MYBPC3: variants seen among roughly 807,000 people sequenced by gnomAD.
The protein encoded by MYBPC3 is myosin binding protein C3.
In MYBPC3, 108 loss-of-function variants were observed where a neutral mutation model predicts 159.3. The observed-to-expected ratio is 0.68, with a 90% confidence interval of 0.58 to 0.80. The LOEUF (loss-of-function observed/expected upper bound fraction) is 0.80, where lower values mean the gene tolerates loss of function less well. Ranked by LOEUF, MYBPC3 falls within the 30% of genes least tolerant of loss-of-function variation. MYBPC3 has a pLI of 0.00. For synonymous variants in MYBPC3, 730 were observed against 702.0 expected (o/e 1.04, Z -0.63); for missense variants, 1,631 against 1,762.1 (o/e 0.93, Z 1.33).
chr11:47,332,679 A>T lies in MYBPC3; in HGVS notation c.3514T>A (p.Tyr1172Asn). The T allele has an allele frequency of 6.2e-7, 1 of 1,612,262 alleles. No homozygotes were observed. The highest frequency in any genetic ancestry group is 1.7e-5 in the Admixed American group (1 of 59,720). The part of the protein sequence containing the change: ...RPGITYEPPN[Y>N]KALDFSEAPS... ...GCCTCGGAGAAGTCCAGGGCCTTAT[A>T]GTTGGGTGGCTCATAGGTGATGCCT... The change falls in exon 32 of 35, where the codon TAT (tyrosine) becomes AAT (asparagine). Residue 1172 changes from tyrosine (Y) to asparagine (N), a missense_variant. Tyr to Asn is a moderately radical substitution (Grantham distance 143). Coordinates refer to ENST00000545968, the MANE Select transcript of MYBPC3 (RefSeq NM_000256.3). This position sits in a 1 kb window ranked among gnomAD's most constrained non-coding sequence, Gnocchi z 4.2.
intron 26 of MYBPC3, 50 bp downstream of exon 26, chr11:47,335,827 G>A: frequency 7.4e-7 from 1 of 1,350,200 alleles, no homozygotes; most frequent in Non-Finnish European, 9.7e-7. Flanking sequence ...CAATGGCAAG[G>A]TGAGCATGTT....
chr11:47,348,908 T>TTATATATATATATATATATGTATA (rs58411933), intron 5 of MYBPC3, among the ~76,000 whole-genome samples: 1 of 39,884 alleles, frequency 2.5e-5, no homozygotes. Flanking sequence ...CTGTCTCAAA[T>TTATATATATATATATATATGTATA]TATATATATA....
At chr11:47,342,557 T>A (rs773894147) in intron 17 of MYBPC3, 21 bp downstream of exon 17, 2 of 1,552,184 alleles carry the variant, frequency 1.3e-6, no homozygotes, top group Non-Finnish European at 1.7e-6. Context: ...AAGCCTCATG[T>A]GCCCCCCCAG....
intron 6 of MYBPC3, 104 bp from the exon 7 acceptor site, chr11:47,348,009 CA>C (rs1315731098): frequency 9.0e-7 from 1 of 1,112,174 alleles, no homozygotes; most frequent in Non-Finnish European, 1.3e-6. Context: ...CTTGCCCATT[CA>C]TGACCCCATG....
chr11:47,351,637 G>T lies in MYBPC3; in HGVS notation c.26-132C>A. On this transcript the variant is annotated intron_variant, in intron 1 of 34. Coordinates refer to ENST00000545968, the MANE Select transcript of MYBPC3 (RefSeq NM_000256.3). The surrounding 1 kb of genome is among the most constrained non-coding windows in gnomAD (Gnocchi z 4.2). ...ACGTAATACTCTACCAGTTCTCTGA[G>T]GTAGTTGCAGTTATTCTGTTCATTT... is the stretch of plus-strand genomic sequence containing the variant. 1 of 1,092,122 alleles carries T rather than the reference G, an allele frequency of 9.2e-7. No individual in the cohort carries two copies. Among genetic ancestry groups the T allele is most frequent in the Middle Eastern group, 3.2e-4 (1 of 3,160 alleles). The allele number at this position is 1,092,122 out of a possible 1,614,324, so 67.7% of individuals were successfully genotyped here.
In MYBPC3 at chr11:47,333,762, G is replaced by C; in HGVS notation, c.2995-10C>G. On this transcript the variant is annotated splice_polypyrimidine_tract_variant and intron_variant, in intron 28 of 34. Transcript: ENST00000545968. Reference sequence around the variant, plus strand: ...GAGGCCGGGGCTTGCCCTGAGGGGAGGAAAAGCTTAACCCTGAACCTGGAT... The same window carrying C: ...GAGGCCGGGGCTTGCCCTGAGGGGACGAAAAGCTTAACCCTGAACCTGGAT... 6.3e-7 allele frequency: 1 copy of C among 1,585,312 alleles called. No individual in the cohort carries two copies. The highest frequency in any genetic ancestry group is 8.6e-7 in the Non-Finnish European group (1 of 1,166,590).
chr11:47,351,510 A>G lies in MYBPC3; in HGVS notation c.26-5T>C. The stretch of plus-strand genomic sequence containing the variant: ...GCTTCTTGCTAAAAGCTGAGACTGA[A>G]GGGCCAGGTGGAGGCTACAGCGGCC... On this transcript the variant is annotated splice_region_variant and splice_polypyrimidine_tract_variant and intron_variant, in intron 1 of 34. Transcript: ENST00000545968. This position sits in a 1 kb window ranked among gnomAD's most constrained non-coding sequence, Gnocchi z 4.2. 3 of 1,579,392 alleles carry G rather than the reference A, an allele frequency of 1.9e-6. No individual in the cohort carries two copies. Among genetic ancestry groups the G allele is most frequent in the Non-Finnish European group, 2.6e-6 (3 of 1,157,548 alleles).
At chr11:47,349,326 T>A (rs2095897874) in intron 5 of MYBPC3, among the ~76,000 whole-genome samples, 1 of 152,072 alleles carries the variant, frequency 6.6e-6, no homozygotes, top group South Asian at 2.1e-4. Context: ...AGCTTTGGTT[T>A]CCGTGTCTGT....
Position 47,351,136 on chromosome 11 carries a change from A to T in MYBPC3, c.292+103T>A. 7.2e-7 allele frequency: 1 copy of T among 1,379,398 alleles called. No homozygotes were observed. The highest frequency in any genetic ancestry group is 9.5e-7 in the Non-Finnish European group (1 of 1,048,750). The allele number at this position is 1,379,398 out of a possible 1,614,324, so 85.4% of individuals were successfully genotyped here. A position where few individuals can be genotyped will look rare whatever the true frequency, so the allele number is the denominator to read the frequency against. ...GGGGGGCACAGCCACAGCAAAGGCAAGAAAGTGTGAAAGCACCTCCTGTTC... is the reference window on the plus strand; with the variant it reads ...GGGGGGCACAGCCACAGCAAAGGCATGAAAGTGTGAAAGCACCTCCTGTTC... On this transcript the variant is annotated intron_variant, in intron 2 of 34. Transcript: ENST00000545968. The surrounding 1 kb of genome is among the most constrained non-coding windows in gnomAD (Gnocchi z 4.2).
intron 30 of MYBPC3, 95 bp downstream of exon 30, chr11:47,333,099 G>A (rs1285671651): frequency 2.0e-6 from 3 of 1,523,540 alleles, no homozygotes; most frequent in African/African-American, 1.4e-5. Flanking sequence ...GAGGGAGGGT[G>A]AGGGGTCCAC....
At position 47,346,348 on chromosome 11, in the gene MYBPC3, C is replaced by T. The variant is rs780896631; in HGVS notation, c.949G>A (p.Ala317Thr). The change falls in exon 12 of 35, where the codon GCA becomes ACA. Residue 317 changes from alanine to threonine, a missense_variant. Transcript: ENST00000545968. This position sits in a 1 kb window ranked among gnomAD's most constrained non-coding sequence, Gnocchi z 5.3. Reference sequence around the variant, plus strand: ...AGGATCTCCCACACGTCCTCCTCTGCTGGTGCCTCCAGCTTCGAGTCCCTG... The same window carrying T: ...AGGATCTCCCACACGTCCTCCTCTGTTGGTGCCTCCAGCTTCGAGTCCCTG... ...TPRDSKLEAP[A>T]EEDVWEILRQ... 1.9e-6 allele frequency: 3 copies of T among 1,601,774 alleles called. No individual in the cohort carries two copies. The highest frequency in any genetic ancestry group is 2.2e-5 in the South Asian group (2 of 89,488).
chr11:47,346,506 G>A lies in MYBPC3; in HGVS notation c.926+121C>T, dbSNP rs2095894302. 2.1e-6 allele frequency: 3 copies of A among 1,462,426 alleles called. No individual in the cohort carries two copies. Among genetic ancestry groups the A allele is most frequent in the African/African-American group, 1.4e-5 (1 of 70,890 alleles). 90.6% of individuals were successfully genotyped at this position (1,462,426 alleles called of 1,614,324 possible). ...CCCTTCTGGTGGGGCAGCTGGAGCT[G>A]CTCTGGGTCCCAGGCCAGGCAGGAC... On this transcript the variant is annotated intron_variant, in intron 11 of 34. Coordinates refer to ENST00000545968, the MANE Select transcript of MYBPC3 (RefSeq NM_000256.3). This position sits in a 1 kb window ranked among gnomAD's most constrained non-coding sequence, Gnocchi z 5.3.
intron 20 of MYBPC3, 95 bp from the exon 21 acceptor site, chr11:47,339,885 A>G (rs1016674947): frequency 1.4e-6 from 2 of 1,400,808 alleles, no homozygotes; most frequent in African/African-American, 1.4e-5. Context: ...GCCCCTGGTT[A>G]TTGGTTTTTT....
rs547477069 is a variant in MYBPC3 at position 47,339,360 on chromosome 11, G to A, written c.2112C>T (p.Asp704=). 10 of 1,613,912 alleles carry A rather than the reference G, an allele frequency of 6.2e-6. No homozygotes were observed. Among genetic ancestry groups the A allele is most frequent in the Non-Finnish European group, 8.5e-6 (10 of 1,179,898 alleles). Reference sequence around the variant, plus strand: ...ACACCCACTCATCGCTGTCACCTGTGTCCTCTGGGGCATCTGGGGCTGGCC... The same window carrying A: ...ACACCCACTCATCGCTGTCACCTGTATCCTCTGGGGCATCTGGGGCTGGCC... ...PARPAPDAPE[D]TGDSDEWVFD... The change falls in exon 22 of 35, where the codon GAC becomes GAT. Residue 704 remains aspartate, a synonymous_variant. Coordinates refer to ENST00000545968, the MANE Select transcript of MYBPC3 (RefSeq NM_000256.3).
In MYBPC3 at chr11:47,351,110, CG is replaced by C. The variant is rs1214768607; in HGVS notation, c.292+128del. The C allele has an allele frequency of 7.4e-6, 9 of 1,218,668 alleles. No individual in the cohort carries two copies. The highest frequency in any genetic ancestry group is 4.6e-5 in the African/African-American group (3 of 65,248). 75.5% of individuals were successfully genotyped at this position (1,218,668 alleles called of 1,614,324 possible). Reference sequence around the variant, plus strand: ...GAAAAGGGGGAAAGGGCGTTCCTGGCGGGGGGCACAGCCACAGCAAAGGCAA... The same window carrying C: ...GAAAAGGGGGAAAGGGCGTTCCTGGCGGGGGCACAGCCACAGCAAAGGCAA... On this transcript the variant is annotated intron_variant, in intron 2 of 34. Transcript: ENST00000545968. This position sits in a 1 kb window ranked among gnomAD's most constrained non-coding sequence, Gnocchi z 4.2.
At position 47,346,397 on chromosome 11, in the gene MYBPC3, CG is replaced by C. The variant is rs763644161; in HGVS notation, c.927-28del. ...TGTGTCCCGCAGTCTAGGCTGTGGC[CG>C]GGGGCAAGACTGCAGCCCCCTGGGC... On this transcript the variant is annotated intron_variant, in intron 11 of 34. Coordinates refer to ENST00000545968, the MANE Select transcript of MYBPC3 (RefSeq NM_000256.3). This position sits in a 1 kb window ranked among gnomAD's most constrained non-coding sequence, Gnocchi z 5.3. 6.5e-7 allele frequency: 1 copy of C among 1,535,348 alleles called. No individual in the cohort carries two copies. The highest frequency in any genetic ancestry group is 8.8e-7 in the Non-Finnish European group (1 of 1,136,448).
rs1353982475 is a variant in MYBPC3 at position 47,337,931 on chromosome 11, A to G, written c.2309-137T>C. On this transcript the variant is annotated intron_variant, in intron 23 of 34. Coordinates refer to ENST00000545968, the MANE Select transcript of MYBPC3 (RefSeq NM_000256.3). ...CCAGATCCAAAGAGATCTTTCTAGA[A>G]TGCATTTCTTTCTTCTTTTCCTTTT... The G allele has an allele frequency of 4.8e-6, 3 of 618,774 alleles. No homozygotes were observed. The African/African-American group carries it at 5.8e-5, about 12-fold the overall frequency. 38.3% of individuals were successfully genotyped at this position (618,774 alleles called of 1,614,324 possible). A position where few individuals can be genotyped will look rare whatever the true frequency, so the allele number is the denominator to read the frequency against.
intron 17 of MYBPC3, 39 bp downstream of exon 17, chr11:47,342,539 A>G: frequency 6.6e-7 from 1 of 1,514,880 alleles, no homozygotes; most frequent in South Asian, 1.3e-5. Context: ...TGAGGGGTCC[A>G]AGCCCTAAAG....
In MYBPC3 at chr11:47,347,874, T is replaced by TA. The variant is rs2095896008; in HGVS notation, c.803dup (p.Ser269IlefsTer17). On this transcript the variant is annotated frameshift_variant, in exon 7 of 35. Transcript: ENST00000545968. LOFTEE classifies it high-confidence loss of function. ...CCACTCACGTGCGGCGGAAGGCTGA[T>TA]AGGAGGTCCAGGTCTCCGGTGCCCA... The TA allele has an allele frequency of 6.4e-7, 1 of 1,570,520 alleles. No individual in the cohort carries two copies. Among genetic ancestry groups the TA allele is most frequent in the Non-Finnish European group, 8.6e-7 (1 of 1,158,450 alleles).
Sources: allele counts gnomAD v4.1 joint callset (sites outside exome capture counted in the v4.1 genomes callset), GRCh38; gene constraint gnomAD v4.1.1; non-coding constraint Gnocchi (gnomAD v3.1); transcripts MANE v1.5; gene names NCBI Gene and HGNC (gene_info 2026-07-23, HGNC 2026-07-21).